The following GRIK2 variants were observed in gnomAD, a reference collection of about 807,000 sequenced individuals.
GRIK2 encodes glutamate ionotropic receptor kainate type subunit 2.
GRIK2 carries 32 observed loss-of-function variants against 100.3 expected under a neutral mutation model. That is an observed-to-expected ratio of 0.32 (90% CI 0.24 to 0.43). The LOEUF is 0.43. GRIK2 is among the 20% of genes least tolerant of loss of function. The probability of loss-of-function intolerance (pLI) is 1.00; values close to 1 mark genes in which losing one functional copy is unlikely to be tolerated. For missense variants in GRIK2, 843 were observed against 1,114.9 expected (o/e 0.76, Z 3.47); for synonymous variants, 417 against 389.4 (o/e 1.07, Z -0.83).
chr6:101,562,444 T>G (rs1452454476), intron 2 of GRIK2, among the ~76,000 whole-genome samples: 1 of 152,098 alleles, frequency 6.6e-6, no homozygotes, highest in Non-Finnish European at 1.5e-5. Context: ...ATTCAAGTGA[T>G]TCTCCTGCTT....
intron 4 of GRIK2, among the ~76,000 whole-genome samples, chr6:101,675,627 A>G (rs961371665): frequency 5.3e-5 from 8 of 152,130 alleles, no homozygotes; most frequent in African/African-American, 1.9e-4. Context: ...AAGACTGTAT[A>G]AAGGAATACA....
chr6:101,984,439 C>T (rs189512247), intron 14 of GRIK2, among the ~76,000 whole-genome samples: 6 of 151,528 alleles, frequency 4.0e-5, no homozygotes, highest in African/African-American at 1.2e-4. Flanking sequence ...TTAGCATCCC[C>T]GTTGACTGGA....
chr6:102,045,900 A>G lies in GRIK2; in HGVS notation c.2312-9430A>G, dbSNP rs1309452914. Among the ~76,000 whole-genome samples the G allele has an allele frequency of 2.0e-5, 3 of 152,248 alleles. No homozygotes were observed. In the East Asian group the frequency reaches 5.8e-4, roughly 30 times the overall value. Reference sequence around the variant, plus strand: ...TGTAAATTAATTCTTCCATCAAAATACATACAGTGGCTGCATGTATTTTTA... The same window carrying G: ...TGTAAATTAATTCTTCCATCAAAATGCATACAGTGGCTGCATGTATTTTTA... On this transcript the variant is annotated intron_variant, in intron 15 of 16. Coordinates refer to ENST00000369134, the MANE Select transcript of GRIK2 (RefSeq NM_021956.5).
At chr6:101,636,161 A>C (rs991573463) in intron 4 of GRIK2, among the ~76,000 whole-genome samples, 1 of 152,212 alleles carries the variant, frequency 6.6e-6, no homozygotes. Context: ...ATGGAATGCT[A>C]TGCAGCCATA....
Position 101,578,678 on chromosome 6 carries a change from C to G in GRIK2, c.116-43271C>G, listed in dbSNP as rs550714674. Among the ~76,000 whole-genome samples, 3 of 152,220 alleles carry G rather than the reference C, an allele frequency of 2.0e-5. No homozygotes were observed. The East Asian group carries it at 5.8e-4, about 29-fold the overall frequency. On this transcript the variant is annotated intron_variant, in intron 2 of 16. Coordinates refer to ENST00000369134, the MANE Select transcript of GRIK2 (RefSeq NM_021956.5). ...TGCCTTAATTACACCCTTTGGCCTTCCCACCTTCCCCACCTGAATATTCCT... is the reference window on the plus strand; with the variant it reads ...TGCCTTAATTACACCCTTTGGCCTTGCCACCTTCCCCACCTGAATATTCCT...
At chr6:101,873,953 T>A (rs1275750438) in intron 11 of GRIK2, among the ~76,000 whole-genome samples, 3 of 152,210 alleles carry the variant, frequency 2.0e-5, no homozygotes, top group Admixed American at 1.3e-4. Context: ...GTTTGTTTTT[T>A]TCTTGTCAAT....
At chr6:101,791,161 C>T (rs1036718285) in intron 7 of GRIK2, among the ~76,000 whole-genome samples, 6 of 152,054 alleles carry the variant, frequency 3.9e-5, no homozygotes, top group East Asian at 3.9e-4. Flanking sequence ...AAAACCAGCT[C>T]CTGGATTCAT....
At chr6:102,004,669 C>T (rs1397690543) in intron 14 of GRIK2, among the ~76,000 whole-genome samples, 4 of 151,890 alleles carry the variant, frequency 2.6e-5, no homozygotes, top group Admixed American at 1.3e-4. Context: ...TCCTTCATTC[C>T]GTCTGCCCTC....
intron 2 of GRIK2, among the ~76,000 whole-genome samples, chr6:101,443,902 C>G (rs2128246985): frequency 6.7e-6 from 1 of 150,100 alleles, no homozygotes; most frequent in African/African-American, 2.4e-5. Flanking sequence ...TTATTTTTTT[C>G]AAGATGGGCT....
chr6:101,473,114 TTCCTTCCTTCCTTCCTTCCTTCC>T, intron 2 of GRIK2, among the ~76,000 whole-genome samples: 1 of 44,316 alleles, frequency 2.3e-5, no homozygotes, highest in African/African-American at 9.1e-5. Flanking sequence ...CCTTCCTTCC[TTCCTTCCTTCCTTCCTTCCTTCC>T]TTCCTTCCTT....
intron 2 of GRIK2, among the ~76,000 whole-genome samples, chr6:101,552,600 T>C (rs150877064): frequency 1.6e-4 from 25 of 152,318 alleles, no homozygotes; most frequent in Admixed American, 9.8e-4. Flanking sequence ...GCATTATATA[T>C]GGGTGGGAAA....
chr6:101,444,715 A>G (rs1011778708), intron 2 of GRIK2, among the ~76,000 whole-genome samples: 9 of 152,086 alleles, frequency 5.9e-5, no homozygotes, highest in African/African-American at 2.2e-4. Flanking sequence ...AAAGACTCAC[A>G]TGGTTGATGG....
At chr6:101,776,152 A>G (rs548484303) in intron 7 of GRIK2, among the ~76,000 whole-genome samples, 23 of 152,298 alleles carry the variant, frequency 1.5e-4, no homozygotes, top group Middle Eastern at 3.4e-3. Context: ...TTTAATGTAC[A>G]TGAGAAGTTT....
chr6:101,631,165 A>G (rs979732829), intron 4 of GRIK2, among the ~76,000 whole-genome samples: 2 of 152,174 alleles, frequency 1.3e-5, no homozygotes, highest in Non-Finnish European at 2.9e-5. Flanking sequence ...TCCAAAAATG[A>G]TGGAAAAGAA....
At chr6:101,572,814 T>G (rs200687071) in intron 2 of GRIK2, among the ~76,000 whole-genome samples, 1,079 of 102,040 alleles carry the variant, frequency 0.011, 11 homozygotes, top group South Asian at 0.018. Flanking sequence ...TATTGTTGTT[T>G]ATTATTTATT....
At chr6:101,913,870 A>G (rs1265660285) in intron 12 of GRIK2, among the ~76,000 whole-genome samples, 1 of 151,556 alleles carries the variant, frequency 6.6e-6, no homozygotes, top group African/African-American at 2.4e-5. Flanking sequence ...AGAAAAAATG[A>G]TATGACTCAG....
At chr6:101,784,206 A>C (rs573559954) in intron 7 of GRIK2, among the ~76,000 whole-genome samples, 1 of 152,234 alleles carries the variant, frequency 6.6e-6, no homozygotes, top group Non-Finnish European at 1.5e-5. Flanking sequence ...AATTGGCTTC[A>C]TGGGCCAGGC....
At chr6:101,478,932 T>A (rs373468786) in intron 2 of GRIK2, among the ~76,000 whole-genome samples, 1 of 152,166 alleles carries the variant, frequency 6.6e-6, no homozygotes, top group Non-Finnish European at 1.5e-5. Context: ...TTTTCAGACA[T>A]GTATTGGCAT....
intron 7 of GRIK2, among the ~76,000 whole-genome samples, chr6:101,782,312 T>G (rs1156249566): frequency 5.9e-5 from 9 of 152,202 alleles, no homozygotes; most frequent in Non-Finnish European, 1.3e-4. Context: ...TATCTAACTG[T>G]AAGTTTGTAA....
Sources: allele counts gnomAD v4.1 joint callset (sites outside exome capture counted in the v4.1 genomes callset), GRCh38; gene constraint gnomAD v4.1.1; transcripts MANE v1.5; gene names NCBI Gene and HGNC (gene_info 2026-07-23, HGNC 2026-07-21).